Variants in TAFA5 observed in about 807,000 individuals in gnomAD.
TAFA5 encodes the protein TAFA chemokine like family member 5.
Under a neutral mutation model 15.3 loss-of-function variants are expected in TAFA5, and 6 were observed. That is an observed-to-expected ratio of 0.39 (90% CI 0.21 to 0.77). TAFA5 has a LOEUF of 0.77. Among genes scored for constraint, TAFA5 ranks in the 30% least tolerant of loss-of-function variants. TAFA5 has a pLI of 0.41. For missense variants in TAFA5, 161 were observed against 193.1 expected (o/e 0.83, Z 0.98); for synonymous variants, 103 against 80.7 (o/e 1.28, Z -1.48).
chr22:48,615,112 A>C (rs936828330), intron 1 of TAFA5, among the ~76,000 whole-genome samples: 26 of 152,322 alleles, frequency 1.7e-4, no homozygotes, highest in East Asian at 9.7e-4. Context: ...ACGCCCCTTC[A>C]GGAGCCACCA....
intron 1 of TAFA5, among the ~76,000 whole-genome samples, chr22:48,534,534 G>A (rs1922084659): frequency 6.6e-6 from 1 of 152,182 alleles, no homozygotes; most frequent in Non-Finnish European, 1.5e-5. Flanking sequence ...CAGGCTGGAG[G>A]GCAGGGCCTG....
At chr22:48,713,235 A>G (rs1261371679) in intron 3 of TAFA5, among the ~76,000 whole-genome samples, 1 of 152,206 alleles carries the variant, frequency 6.6e-6, no homozygotes, top group Non-Finnish European at 1.5e-5. Flanking sequence ...AACTCATTAC[A>G]CTAAAAGCCC....
At chr22:48,545,103 G>C (rs4823804) in intron 1 of TAFA5, 203,779 of 352,334 alleles carry the variant, frequency 0.58, 63,084 homozygotes, top group Middle Eastern at 0.7. Context: ...CGGATCATGA[G>C]GTTCTAAGCG....
chr22:48,576,595 C>T, intron 1 of TAFA5: 2 of 1,427,654 alleles, frequency 1.4e-6, no homozygotes, highest in South Asian at 1.5e-5. Context: ...GGCGCGCGGA[C>T]CGGTCCTCCG....
intron 1 of TAFA5, among the ~76,000 whole-genome samples, chr22:48,642,638 C>T (rs1926724227): frequency 6.6e-6 from 1 of 152,094 alleles, no homozygotes; most frequent in Non-Finnish European, 1.5e-5. Context: ...TGGGAGTGTA[C>T]ATGCCGTGTG....
chr22:48,507,858 G>T (rs1921057227), intron 1 of TAFA5, among the ~76,000 whole-genome samples: 1 of 152,174 alleles, frequency 6.6e-6, no homozygotes, highest in Non-Finnish European at 1.5e-5. Flanking sequence ...AGCTCCGTGG[G>T]CCAGGAAGCT....
chr22:48,607,053 T>C (rs1004923251), intron 1 of TAFA5, among the ~76,000 whole-genome samples: 2 of 152,212 alleles, frequency 1.3e-5, no homozygotes, highest in Non-Finnish European at 2.9e-5. Context: ...TCTGGGGATG[T>C]CTGAGGAGGA....
chr22:48,636,089 G>T (rs1926435166), intron 1 of TAFA5, among the ~76,000 whole-genome samples: 1 of 152,266 alleles, frequency 6.6e-6, no homozygotes, highest in African/African-American at 2.4e-5. Flanking sequence ...CCCGGCAGTG[G>T]TGGGAGCCAG....
rs1219187848 is a variant in TAFA5, at chr22:48,566,492, T to C, written c.112+76788T>C. The stretch of plus-strand genomic sequence containing the variant: ...GTTGGATGGGTGGATGACAGATGGA[T>C]GGATGATGTACAGATGGACAAATGG... On this transcript the variant is annotated intron_variant, in intron 1 of 3. Coordinates refer to ENST00000402357, the MANE Select transcript of TAFA5 (RefSeq NM_001082967.3). This position sits in a 1 kb window ranked among gnomAD's most constrained non-coding sequence, Gnocchi z 4.5. Among the ~76,000 whole-genome samples, 1 of 152,058 alleles carries C rather than the reference T, an allele frequency of 6.6e-6. No homozygotes were observed. Among genetic ancestry groups the C allele is most frequent in the Non-Finnish European group, 1.5e-5 (1 of 68,004 alleles).
intron 1 of TAFA5, among the ~76,000 whole-genome samples, chr22:48,590,632 T>C (rs549590033): frequency 6.6e-6 from 1 of 152,236 alleles, no homozygotes; most frequent in Middle Eastern, 3.4e-3. Flanking sequence ...GACCCAGGAC[T>C]GTGACTCTGA....
intron 1 of TAFA5, among the ~76,000 whole-genome samples, chr22:48,619,631 A>G (rs28616125): frequency 0.87 from 131,798 of 151,984 alleles, 57,615 homozygotes; most frequent in East Asian, 1. Flanking sequence ...TGAGATTACA[A>G]GTGTGAGAGT....
chr22:48,671,334 T>G (rs891517611), intron 2 of TAFA5, among the ~76,000 whole-genome samples: 1 of 152,192 alleles, frequency 6.6e-6, no homozygotes, highest in Non-Finnish European at 1.5e-5. Context: ...CCACCAGCCC[T>G]TTCACCTGTC....
chr22:48,555,389 C>T (rs943173954), intron 1 of TAFA5, among the ~76,000 whole-genome samples: 2 of 152,196 alleles, frequency 1.3e-5, no homozygotes, highest in African/African-American at 4.8e-5. Context: ...GTGCTCAGAC[C>T]GTGTCCTGCG....
chr22:48,581,164 C>G (rs1228545676), intron 1 of TAFA5, among the ~76,000 whole-genome samples: 4 of 152,256 alleles, frequency 2.6e-5, no homozygotes, highest in Non-Finnish European at 5.9e-5. Flanking sequence ...TCTGCTGTGT[C>G]TCTGACAACT....
chr22:48,574,913 TTTG>T (rs1164776537), intron 1 of TAFA5, among the ~76,000 whole-genome samples: 1 of 152,126 alleles, frequency 6.6e-6, no homozygotes, highest in East Asian at 1.9e-4. Context: ...GAGGCATCCG[TTTG>T]TTTCCTCTGG....
chr22:48,688,990 C>T (rs1331998698), intron 2 of TAFA5, among the ~76,000 whole-genome samples: 2 of 77,238 alleles, frequency 2.6e-5, no homozygotes, highest in Admixed American at 1.5e-4. Context: ...AGACTTGTCT[C>T]GGAAAAAAAA....
intron 1 of TAFA5, among the ~76,000 whole-genome samples, chr22:48,614,561 C>T (rs1925528890): frequency 6.6e-6 from 1 of 152,188 alleles, no homozygotes. Context: ...TCCCCCAGGG[C>T]TCCTTGCCTC....
At chr22:48,509,950 CAA>C (rs144036099) in intron 1 of TAFA5, among the ~76,000 whole-genome samples, 33,334 of 91,016 alleles carry the variant, frequency 0.37, 4,459 homozygotes, top group Middle Eastern at 0.48. Flanking sequence ...GAATCTGTCT[CAA>C]AAAAAAAAAA....
intron 1 of TAFA5, among the ~76,000 whole-genome samples, chr22:48,601,883 C>T (rs970512374): frequency 2.6e-5 from 4 of 152,206 alleles, no homozygotes; most frequent in African/African-American, 7.2e-5. Context: ...CGAGTGGCCT[C>T]GTTCCTCCAC....
Sources: allele counts gnomAD v4.1 joint callset (sites outside exome capture counted in the v4.1 genomes callset), GRCh38; gene constraint gnomAD v4.1.1; non-coding constraint Gnocchi (gnomAD v3.1); transcripts MANE v1.5; gene names NCBI Gene and HGNC (gene_info 2026-07-23, HGNC 2026-07-21).